Variants in CDK14 observed in about 807,000 individuals in gnomAD.
CDK14 encodes cyclin dependent kinase 14.
A neutral mutation model predicts 60.7 loss-of-function variants in CDK14; 34 were observed. That is an observed-to-expected ratio of 0.56 (90% CI 0.43 to 0.75). The LOEUF is 0.75. CDK14 is among the 30% of genes least tolerant of loss of function. The pLI, the probability that CDK14 is intolerant of heterozygous loss-of-function variation, is 0.00. For missense variants in CDK14, 482 were observed against 564.1 expected, an observed-to-expected ratio of 0.85 and a Z score of 1.47; for synonymous variants, 197 against 203.7, an observed-to-expected ratio of 0.97 and a Z score of 0.28.
intron 4 of CDK14, 25 bp from the exon 5 acceptor site, chr7:90,790,548 T>A (rs1289025337): frequency 6.6e-7 from 1 of 1,526,490 alleles, no homozygotes; most frequent in Non-Finnish European, 9.0e-7. Context: ...TTTTTATGAA[T>A]TCACTTATCT....
chr7:91,017,106 TAC>T (rs1375586304), intron 10 of CDK14, among the ~76,000 whole-genome samples: 1 of 152,228 alleles, frequency 6.6e-6, no homozygotes, highest in East Asian at 1.9e-4. Context: ...ATAATTTAAG[TAC>T]ACAGGTCTAT....
chr7:91,072,516 C>G (rs537470861), intron 11 of CDK14, among the ~76,000 whole-genome samples: 7 of 152,066 alleles, frequency 4.6e-5, no homozygotes, highest in Non-Finnish European at 8.8e-5. Flanking sequence ...AAACCTCCTC[C>G]AAGGGTCAGC....
intron 5 of CDK14, among the ~76,000 whole-genome samples, chr7:90,798,640 T>C (rs1788526585): frequency 6.6e-6 from 1 of 152,234 alleles, no homozygotes; most frequent in South Asian, 2.1e-4. Flanking sequence ...TACTTGCCAC[T>C]CACAGGCTTA....
intron 14 of CDK14, among the ~76,000 whole-genome samples, chr7:91,137,269 G>A (rs1484979431): frequency 6.6e-6 from 1 of 152,092 alleles, no homozygotes; most frequent in Non-Finnish European, 1.5e-5. Context: ...TCTGAATTGG[G>A]GGGACCTGAA....
At chr7:90,662,333 G>A (rs1160259387) in intron 2 of CDK14, among the ~76,000 whole-genome samples, 1 of 152,222 alleles carries the variant, frequency 6.6e-6, no homozygotes, top group African/African-American at 2.4e-5. Flanking sequence ...CCAGCACCCA[G>A]GTTATGCTGT....
At chr7:90,791,877 G>A (rs1805844807) in intron 5 of CDK14, among the ~76,000 whole-genome samples, 1 of 150,676 alleles carries the variant, frequency 6.6e-6, no homozygotes, top group Non-Finnish European at 1.5e-5. Flanking sequence ...CTGAGTTAGG[G>A]GGAGTTTCAG....
At chr7:90,827,418 G>A (rs1168729419) in intron 5 of CDK14, among the ~76,000 whole-genome samples, 1 of 152,160 alleles carries the variant, frequency 6.6e-6, no homozygotes, top group African/African-American at 2.4e-5. Flanking sequence ...ACACATTCAT[G>A]TGCAGGTTTT....
intron 6 of CDK14, among the ~76,000 whole-genome samples, chr7:90,897,545 T>G (rs1343465158): frequency 1.3e-5 from 2 of 152,114 alleles, no homozygotes; most frequent in Admixed American, 1.3e-4. Flanking sequence ...TATTATATTA[T>G]AAGTAAAAAG....
chr7:91,201,069 C>T (rs796410045), intron 14 of CDK14, among the ~76,000 whole-genome samples: 9 of 152,116 alleles, frequency 5.9e-5, no homozygotes, highest in South Asian at 2.1e-4. Flanking sequence ...TAATTAATTG[C>T]GTGCCTATCT....
chr7:91,006,688 A>G (rs572510282), intron 10 of CDK14, among the ~76,000 whole-genome samples: 3 of 152,342 alleles, frequency 2.0e-5, no homozygotes, highest in East Asian at 1.9e-4. Flanking sequence ...GGTAATGTTT[A>G]TTAAAACTTT....
At chr7:90,796,722 G>C (rs965639397) in intron 5 of CDK14, among the ~76,000 whole-genome samples, 4 of 151,972 alleles carry the variant, frequency 2.6e-5, no homozygotes, top group Admixed American at 1.3e-4. Context: ...TGACATTTTG[G>C]AGTAATCAAT....
chr7:90,740,215 A>C lies in CDK14; in HGVS notation c.370-7466A>C, dbSNP rs115458842. On this transcript the variant is annotated intron_variant, in intron 3 of 14. Coordinates refer to ENST00000380050, the MANE Select transcript of CDK14 (RefSeq NM_001287135.2). ...AATTTTTGAAATATCTTTGTCCTTC[A>C]TATACATATACATATATATGTGTAT... Among the ~76,000 whole-genome samples the C allele has an allele frequency of 8.0e-3, 1,210 of 151,118 alleles. 24 individuals are homozygous for C. The highest frequency in any genetic ancestry group is 0.028 in the African/African-American group (1,162 of 41,086).
intron 5 of CDK14, among the ~76,000 whole-genome samples, chr7:90,811,212 A>AACTAT (rs1281306036): frequency 1.3e-5 from 2 of 152,200 alleles, no homozygotes; most frequent in African/African-American, 4.8e-5. Context: ...CCTGACTTCA[A>AACTAT]ACTATACTAC....
chr7:91,103,836 GAGAGAGAA>G (rs1478865039), intron 12 of CDK14, among the ~76,000 whole-genome samples: 21 of 151,690 alleles, frequency 1.4e-4, no homozygotes, highest in Middle Eastern at 3.2e-3. Context: ...GAGAGAGAGA[GAGAGAGAA>G]AGAGAGAGAG....
At chr7:90,718,138 C>T (rs1050247931) in intron 2 of CDK14, among the ~76,000 whole-genome samples, 1 of 151,900 alleles carries the variant, frequency 6.6e-6, no homozygotes, top group African/African-American at 2.4e-5. Flanking sequence ...CCATGGTTGC[C>T]AGATGCTCTA....
At chr7:90,985,751 G>A (rs893763983) in intron 10 of CDK14, among the ~76,000 whole-genome samples, 1 of 152,046 alleles carries the variant, frequency 6.6e-6, no homozygotes, top group African/African-American at 2.4e-5. Context: ...CCTGTGAGTC[G>A]CTGTGTGCTA....
At chr7:91,073,558 T>A (rs1317090318) in intron 11 of CDK14, among the ~76,000 whole-genome samples, 1 of 151,944 alleles carries the variant, frequency 6.6e-6, no homozygotes, top group African/African-American at 2.4e-5. Context: ...CACACCAAAA[T>A]ATAAAGACCA....
intron 10 of CDK14, among the ~76,000 whole-genome samples, chr7:91,033,699 G>T (rs1796830357): frequency 6.6e-6 from 1 of 152,146 alleles, no homozygotes; most frequent in Non-Finnish European, 1.5e-5. Flanking sequence ...AGTCAGGCTG[G>T]TTCTGCTGCA....
intron 2 of CDK14, among the ~76,000 whole-genome samples, chr7:90,677,691 G>C (rs535082542): frequency 8.0e-6 from 1 of 125,552 alleles, no homozygotes; most frequent in Admixed American, 8.6e-5. Context: ...AAGCCTACCA[G>C]CTGTGCCCGA....
Sources: gnomAD v4.1 joint callset for allele counts (sites outside exome capture counted in the v4.1 genomes callset) on GRCh38, gnomAD v4.1.1 for gene constraint, MANE v1.5 for transcripts, NCBI Gene and HGNC (gene_info 2026-07-23, HGNC 2026-07-21) for gene names.